The following SMARCA2 variants were observed in gnomAD, a reference collection of about 807,000 sequenced individuals.
The protein encoded by SMARCA2 is SWI/SNF related BAF chromatin remodeling complex subunit ATPase 2.
SMARCA2 carries 61 observed loss-of-function variants against 199.8 expected under a neutral mutation model. The observed-to-expected ratio is 0.31, with a 90% CI of 0.25 to 0.38. The LOEUF (loss-of-function observed/expected upper bound fraction) is 0.38, where lower values mean the gene tolerates loss of function less well. SMARCA2 is among the 10% of genes least tolerant of loss of function. The pLI is 1.00. For missense variants in SMARCA2, 1,344 were observed against 2,012.2 expected, an observed-to-expected ratio of 0.67 and a Z score of 6.35; for synonymous variants, 935 against 732.0, an observed-to-expected ratio of 1.28 and a Z score of -4.48.
intron 27 of SMARCA2, among the ~76,000 whole-genome samples, chr9:2,132,948 T>C (rs1005479313): frequency 3.9e-5 from 6 of 152,214 alleles, no homozygotes; most frequent in Non-Finnish European, 8.8e-5. Flanking sequence ...TTTAATAGAA[T>C]AGTCCTCAGA....
intron 9 of SMARCA2, among the ~76,000 whole-genome samples, chr9:2,063,153 G>C (rs1458448580): frequency 2.6e-5 from 4 of 152,136 alleles, no homozygotes; most frequent in African/African-American, 9.7e-5. Flanking sequence ...TTTCCTTCCA[G>C]GGTATCTTAC....
chr9:2,173,725 C>T (rs1586790571), intron 29 of SMARCA2, among the ~76,000 whole-genome samples: 2 of 152,244 alleles, frequency 1.3e-5, no homozygotes, highest in African/African-American at 4.8e-5. Context: ...ATTCCCAGTA[C>T]AGCCAGAGGC....
intron 27 of SMARCA2, among the ~76,000 whole-genome samples, chr9:2,124,389 A>G (rs376113585): frequency 2.0e-5 from 3 of 152,350 alleles, no homozygotes; most frequent in South Asian, 4.1e-4. Flanking sequence ...CAGATCTTTC[A>G]GGGATAGCAG....
In SMARCA2 at chr9:2,039,693, G is replaced by A. The variant is rs1201596045; in HGVS notation, c.583G>A (p.Gly195Ser). ...QILAYKMLAR[G>S]QPLPETLQLA... ...TTTAGCTTATAAAATGCTGGCCCGA[G>A]GCCAGCCCCTCCCCGAAACGCTGCA... The change falls in exon 4 of 34, where the codon GGC (glycine) becomes AGC (serine). Residue 195 changes from glycine (G) to serine (S), a missense_variant. Physicochemically the swap from Gly to Ser is moderately conservative, Grantham distance 56. Transcript: ENST00000349721. The surrounding 1 kb of genome is among the most constrained non-coding windows in gnomAD (Gnocchi z 4.8). 6.2e-7 allele frequency: 1 copy of A among 1,614,010 alleles called. No individual in the cohort carries two copies. The highest frequency in any genetic ancestry group is 2.2e-5 in the East Asian group (1 of 44,876).
At chr9:2,108,049 G>A (rs545374619) in intron 23 of SMARCA2, among the ~76,000 whole-genome samples, 17 of 152,270 alleles carry the variant, frequency 1.1e-4, no homozygotes, top group South Asian at 2.1e-4. Context: ...TTCTACACAG[G>A]CATAGCCAGG....
At chr9:2,188,054 A>G (rs1827610485) in intron 32 of SMARCA2, among the ~76,000 whole-genome samples, 1 of 152,252 alleles carries the variant, frequency 6.6e-6, no homozygotes, top group African/African-American at 2.4e-5. Flanking sequence ...TTAAAAGTAT[A>G]GACATGCTTT....
At chr9:2,189,468 A>T (rs967084546) in intron 32 of SMARCA2, among the ~76,000 whole-genome samples, 2 of 151,336 alleles carry the variant, frequency 1.3e-5, no homozygotes, top group African/African-American at 4.9e-5. Flanking sequence ...CATTTCCTAT[A>T]CTCCTGTGTC....
Position 2,123,665 on chromosome 9 carries a change from T to A in SMARCA2, c.3763-54T>A. 2 of 1,489,842 alleles carry A rather than the reference T, an allele frequency of 1.3e-6. No individual in the cohort carries two copies. The highest frequency in any genetic ancestry group is 1.4e-5 in the African/African-American group (1 of 72,840). The allele number at this position is 1,489,842 out of a possible 1,614,324, so 92.3% of individuals were successfully genotyped here. A position where few individuals can be genotyped will look rare whatever the true frequency, so the allele number is the denominator to read the frequency against. ...GGGGAAGTTGTGTAGTGCTGGGAAGTCTGCACCATACAGAAGCCCTGACTT... is the reference window on the plus strand; with the variant it reads ...GGGGAAGTTGTGTAGTGCTGGGAAGACTGCACCATACAGAAGCCCTGACTT... On this transcript the variant is annotated intron_variant, in intron 26 of 33. Coordinates refer to ENST00000349721, the MANE Select transcript of SMARCA2 (RefSeq NM_003070.5). This position sits in a 1 kb window ranked among gnomAD's most constrained non-coding sequence, Gnocchi z 4.1.
chr9:2,143,616 A>G (rs1824571345), intron 27 of SMARCA2, among the ~76,000 whole-genome samples: 1 of 152,232 alleles, frequency 6.6e-6, no homozygotes, highest in African/African-American at 2.4e-5. Context: ...GAGGTAAACT[A>G]TATGATGACA....
At chr9:2,041,294 C>G (rs746331122) in intron 4 of SMARCA2, 1 of 398,426 alleles carries the variant, frequency 2.5e-6, no homozygotes, top group African/African-American at 2.1e-5. Context: ...AGGTCATTGA[C>G]TGGGTGGCTT....
intron 23 of SMARCA2, among the ~76,000 whole-genome samples, chr9:2,108,533 G>GGA (rs1215358399): frequency 9.9e-5 from 15 of 152,100 alleles, no homozygotes; most frequent in Admixed American, 9.8e-4. Context: ...GTATAGTTTT[G>GGA]TACCCAGTTT....
intron 4 of SMARCA2, chr9:2,042,016 T>C (rs1433409272): frequency 2.6e-5 from 4 of 152,178 alleles, no homozygotes; most frequent in Admixed American, 6.5e-5. Context: ...CACTTTCCCA[T>C]ACTGGCTCCT....
Position 2,028,839 on chromosome 9 carries a change from C to G in SMARCA2, c.-36-148C>G. On this transcript the variant is annotated intron_variant, in intron 1 of 33. Transcript: ENST00000349721. The stretch of plus-strand genomic sequence containing the variant: ...AAGACTAGGGCAGACGGATGTATAT[C>G]ACACTCACTCAAACATCTGGACTAG... The G allele has an allele frequency of 4.7e-6, 3 of 642,136 alleles. No individual in the cohort carries two copies. The South Asian group carries it at 6.3e-5, about 13-fold the overall frequency. The allele number at this position is 642,136 out of a possible 1,614,324, so 39.8% of individuals were successfully genotyped here. A position where few individuals can be genotyped will look rare whatever the true frequency, so the allele number is the denominator to read the frequency against.
chr9:2,073,510 T>C (rs1821178163), intron 11 of SMARCA2, 56 bp from the exon 12 acceptor site: 2 of 1,503,828 alleles, frequency 1.3e-6, no homozygotes, highest in Non-Finnish European at 1.8e-6. Context: ...TGTGTCTTTA[T>C]TGTATTGTAA....
chr9:2,147,843 G>T (rs375285893), intron 27 of SMARCA2, among the ~76,000 whole-genome samples: 17 of 150,390 alleles, frequency 1.1e-4, no homozygotes, highest in Non-Finnish European at 4.5e-5. Context: ...GCCAGACTCC[G>T]TCTCAAAAAA....
At chr9:2,117,036 G>A (rs1823243511) in intron 25 of SMARCA2, among the ~76,000 whole-genome samples, 1 of 152,122 alleles carries the variant, frequency 6.6e-6, no homozygotes, top group Non-Finnish European at 1.5e-5. Flanking sequence ...ACTTACAATG[G>A]TGTTACATCC....
chr9:2,101,723 C>T (rs145393947), intron 22 of SMARCA2, 107 bp downstream of exon 22: 4 of 582,312 alleles, frequency 6.9e-6, no homozygotes, highest in African/African-American at 5.8e-5. Context: ...TTCCAGCCCT[C>T]TAAGGGCTCT....
intron 27 of SMARCA2, among the ~76,000 whole-genome samples, chr9:2,139,242 C>T (rs1586745093): frequency 6.6e-6 from 1 of 152,208 alleles, no homozygotes; most frequent in Non-Finnish European, 1.5e-5. Flanking sequence ...AGGCCAGCCA[C>T]ACCATGTGGG....
At position 2,102,132 on chromosome 9, in the gene SMARCA2, A is replaced by AGTGTGTGT. The variant is rs71327397; in HGVS notation, c.3125+542_3125+549dup. Among the ~76,000 whole-genome samples, 17 of 148,112 alleles carry AGTGTGTGT rather than the reference A, an allele frequency of 1.1e-4. No individual in the cohort carries two copies. The East Asian group carries it at 1.6e-3, about 14-fold the overall frequency. On this transcript the variant is annotated intron_variant, in intron 22 of 33. Transcript: ENST00000349721. ...AAAAATGAACACTGCATTAACAGAA[A>AGTGTGTGT]GTGTGTGTGTGTGTGTGTGTGTGTG...
Sources: gnomAD v4.1 joint callset for allele counts (sites outside exome capture counted in the v4.1 genomes callset) on GRCh38, gnomAD v4.1.1 for gene constraint, Gnocchi (gnomAD v3.1) non-coding constraint, MANE v1.5 for transcripts, NCBI Gene and HGNC (gene_info 2026-07-23, HGNC 2026-07-21) for gene names.